RBM15: variants seen among roughly 807,000 people sequenced by gnomAD.
RBM15 encodes RNA-binding protein 15.
RBM15 carries 8 observed loss-of-function variants against 62.6 expected under a neutral mutation model. The observed-to-expected ratio is 0.13, with a 90% CI of 0.07 to 0.23. The LOEUF (loss-of-function observed/expected upper bound fraction) is 0.23, where lower values mean the gene tolerates loss of function less well. Among genes scored for constraint, RBM15 ranks in the 10% least tolerant of loss-of-function variants. The pLI is 1.00. For synonymous variants in RBM15, 606 were observed against 505.7 expected (o/e 1.20, Z -2.66); for missense variants, 1,144 against 1,286.5 (o/e 0.89, Z 1.69).
At position 110,340,392 on chromosome 1, in the gene RBM15, A is replaced by G. The variant is rs749586532; in HGVS notation, c.987A>G (p.Arg329=). ...PPPPLPRDLE[R]ERDYPFYERV... ...CACCATTGCCTCGAGACCTGGAGAG[A>G]GAAAGAGACTACCCGTTCTATGAGA... Residue 329 remains arginine, a synonymous_variant, in exon 1 of 3, where the codon AGA becomes AGG. Transcript: ENST00000369784. The surrounding 1 kb of genome is among the most constrained non-coding windows in gnomAD (Gnocchi z 5.8). 4 of 1,614,142 alleles carry G rather than the reference A, an allele frequency of 2.5e-6. No individual in the cohort carries two copies. Among genetic ancestry groups the G allele is most frequent in the Non-Finnish European group, 3.4e-6 (4 of 1,180,014 alleles).
At position 110,341,638 on chromosome 1, in the gene RBM15, AAAG is replaced by A. The variant is rs746672290; in HGVS notation, c.2238_2240del (p.Glu746del). 6.2e-7 allele frequency: 1 copy of A among 1,614,090 alleles called. No individual in the cohort carries two copies. Among genetic ancestry groups the A allele is most frequent in the Non-Finnish European group, 8.5e-7 (1 of 1,180,020 alleles). The stretch of plus-strand genomic sequence containing the variant: ...CACTGAGGGAAAAAGCCCTCTGAAA[AAAG>A]AAGACCGCTCTGATGGGAGTGCACC... On this transcript the variant is annotated inframe_deletion, in exon 1 of 3. Transcript: ENST00000369784. The surrounding 1 kb of genome is among the most constrained non-coding windows in gnomAD (Gnocchi z 4.5).
In RBM15 at chr1:110,341,838, A is replaced by G. The variant is rs1660805941; in HGVS notation, c.2433A>G (p.Gln811=). The part of the protein sequence containing the change: ...SNMHLLQGDL[Q]VASSLLVEGS... ...TGCATCTGTTGCAGGGTGACCTCCA[A>G]GTGGCTAGTAGTCTTCTTGTGGAGG... The change falls in exon 1 of 3, where the codon CAA becomes CAG. Residue 811 remains glutamine (Q), a synonymous_variant. Coordinates refer to ENST00000369784, the MANE Select transcript of RBM15 (RefSeq NM_022768.5). This position sits in a 1 kb window ranked among gnomAD's most constrained non-coding sequence, Gnocchi z 4.5. 2 of 1,614,218 alleles carry G rather than the reference A, an allele frequency of 1.2e-6. No homozygotes were observed. Among genetic ancestry groups the G allele is most frequent in the East Asian group, 2.2e-5 (1 of 44,874 alleles).
In RBM15 at chr1:110,341,293, C is replaced by G. The variant is rs1193711742; in HGVS notation, c.1888C>G (p.Arg630Gly). 1.2e-6 allele frequency: 2 copies of G among 1,613,934 alleles called. No individual in the cohort carries two copies. Among genetic ancestry groups the G allele is most frequent in the Admixed American group, 3.3e-5 (2 of 60,002 alleles). Residue 630 changes from arginine (R) to glycine (G), a missense_variant, in exon 1 of 3, where the codon CGA (arginine) becomes GGA (glycine). Transcript: ENST00000369784. The surrounding 1 kb of genome is among the most constrained non-coding windows in gnomAD (Gnocchi z 4.5). ...GTCCTTGGACCGGGACAGAGGTGAT[C>G]GAGATCTGCCCAGCAGCAGAGACCA... is the stretch of plus-strand genomic sequence containing the variant. ...GWSLDRDRGD[R>G]DLPSSRDQPR... is the part of the protein sequence containing the mutation.
intron 2 of RBM15, 59 bp from the exon 3 acceptor site, chr1:110,346,249 A>C: frequency 6.6e-7 from 1 of 1,505,646 alleles, no homozygotes; most frequent in Non-Finnish European, 9.1e-7. Flanking sequence ...GGAAATATAT[A>C]TATTTTTAAT....
rs539424286 is a variant in RBM15, at chr1:110,341,483, G to T, written c.2078G>T (p.Arg693Leu). 6.2e-7 allele frequency: 1 copy of T among 1,614,078 alleles called. No individual in the cohort carries two copies. The highest frequency in any genetic ancestry group is 2.2e-5 in the East Asian group (1 of 44,872). Residue 693 changes from arginine to leucine, a missense_variant, in exon 1 of 3, where the codon CGT becomes CTT. Arg to Leu is a moderately radical substitution (Grantham distance 102). Coordinates refer to ENST00000369784, the MANE Select transcript of RBM15 (RefSeq NM_022768.5). The surrounding 1 kb of genome is among the most constrained non-coding windows in gnomAD (Gnocchi z 4.5). ...RYNSDNDRSS[R>L]LLLERPSPIR... ...AACAGCGACAATGATCGATCTTCCC[G>T]TCTTCTCTTGGAAAGGCCCTCTCCA...
chr1:110,340,286 C>T lies in RBM15; in HGVS notation c.881C>T (p.Ser294Phe), dbSNP rs1360700787. Residue 294 changes from serine to phenylalanine, a missense_variant, in exon 1 of 3, where the codon TCC becomes TTC. Transcript: ENST00000369784. This position sits in a 1 kb window ranked among gnomAD's most constrained non-coding sequence, Gnocchi z 5.8. ...PGGGGGQRSL[S>F]PGGAALGYRD... ...GGTGGTGGAGGCCAGAGATCACTTT[C>T]CCCTGGTGGCGCTGCTTTGGGATAC... 1 of 1,614,118 alleles carries T rather than the reference C, an allele frequency of 6.2e-7. No homozygotes were observed. Among genetic ancestry groups the T allele is most frequent in the Non-Finnish European group, 8.5e-7 (1 of 1,180,042 alleles).
Position 110,341,372 on chromosome 1 carries a change from C to T in RBM15, c.1967C>T (p.Ser656Phe). ...EESGGRHLDR[S>F]PESDRPRKRH... ...AGTGGAGGACGTCATCTGGATAGGT[C>T]TCCTGAGAGTGACCGCCCACGAAAA... The change falls in exon 1 of 3, where the codon TCT (serine) becomes TTT (phenylalanine). Residue 656 changes from serine (S) to phenylalanine (F), a missense_variant. Around this residue, in one of 8 missense-constraint regions of RBM15, gnomAD observed 360 missense variants for 342.9 expected, o/e 1.05. Coordinates refer to ENST00000369784, the MANE Select transcript of RBM15 (RefSeq NM_022768.5). This position sits in a 1 kb window ranked among gnomAD's most constrained non-coding sequence, Gnocchi z 4.5. 1 of 1,614,090 alleles carries T rather than the reference C, an allele frequency of 6.2e-7. No individual in the cohort carries two copies. Among genetic ancestry groups the T allele is most frequent in the Non-Finnish European group, 8.5e-7 (1 of 1,179,978 alleles).
intron 2 of RBM15, 32 bp from the exon 3 acceptor site, chr1:110,346,276 C>G: frequency 6.3e-7 from 1 of 1,591,880 alleles, no homozygotes; most frequent in Non-Finnish European, 8.5e-7. Flanking sequence ...AACATTTGTA[C>G]TGAATAACCT....
intron 2 of RBM15, 136 bp from the exon 3 acceptor site, chr1:110,346,172 T>G: frequency 1.3e-6 from 1 of 797,086 alleles, no homozygotes; most frequent in South Asian, 1.7e-5. Context: ...TATTGGTGCT[T>G]TTTGAAGTTG....
chr1:110,342,162 C>T lies in RBM15; in HGVS notation c.2757C>T (p.Val919=). The T allele has an allele frequency of 1.9e-6, 3 of 1,614,144 alleles. No homozygotes were observed. Among genetic ancestry groups the T allele is most frequent in the South Asian group, 2.2e-5 (2 of 91,064 alleles). The change falls in exon 1 of 3, where the codon GTC becomes GTT. Residue 919 remains valine, a synonymous_variant. Transcript: ENST00000369784. ...GGNKDKENTG[V]LHAFPPCEFS... The stretch of plus-strand genomic sequence containing the variant: ...ACAAAGACAAGGAAAACACCGGGGT[C>T]CTTCATGCCTTCCCACCTTGTGAGT...
At chr1:110,344,826 T>C (rs1660868332) in intron 1 of RBM15, among the ~76,000 whole-genome samples, 3 of 152,190 alleles carry the variant, frequency 2.0e-5, no homozygotes, top group African/African-American at 7.2e-5. Context: ...CTTTAATTAT[T>C]TTAATGTAGT....
In RBM15 at chr1:110,341,961, A is replaced by G. The variant is rs1393341201; in HGVS notation, c.2556A>G (p.Ala852=). The change falls in exon 1 of 3, where the codon GCA becomes GCG. Residue 852 remains alanine, a synonymous_variant. Transcript: ENST00000369784. The surrounding 1 kb of genome is among the most constrained non-coding windows in gnomAD (Gnocchi z 4.5). The stretch of plus-strand genomic sequence containing the variant: ...AAGTAACTCGACGCATCAAAGTAGC[A>G]GGGCCCAATGGTTATGCCATTCTTT... ...LDEVTRRIKV[A]GPNGYAILLA... 1 of 1,614,104 alleles carries G rather than the reference A, an allele frequency of 6.2e-7. No homozygotes were observed. Among genetic ancestry groups the G allele is most frequent in the African/African-American group, 1.3e-5 (1 of 74,930 alleles).
Position 110,339,569 on chromosome 1 carries a change from C to T in RBM15, c.164C>T (p.Ala55Val). 6.2e-7 allele frequency: 1 copy of T among 1,605,378 alleles called. No homozygotes were observed. The highest frequency in any genetic ancestry group is 8.5e-7 in the Non-Finnish European group (1 of 1,173,444). The change falls in exon 1 of 3, where the codon GCC becomes GTC. Residue 55 changes from alanine to valine, a missense_variant. By Grantham distance (64) the Ala-to-Val change is moderately conservative. Around this residue, in one of 8 missense-constraint regions of RBM15, gnomAD observed 298 missense variants for 250.0 expected, o/e 1.19. Coordinates refer to ENST00000369784, the MANE Select transcript of RBM15 (RefSeq NM_022768.5). ...GGAAAAGAGCGCTCGCCAGTGAAGGCCAAACGCTCCCGTGGTGGTGAGGAC... is the reference window on the plus strand; with the variant it reads ...GGAAAAGAGCGCTCGCCAGTGAAGGTCAAACGCTCCCGTGGTGGTGAGGAC... ...MKGKERSPVK[A>V]KRSRGGEDST...
At position 110,346,291 on chromosome 1, in the gene RBM15, T is replaced by A. The variant is rs770976560; in HGVS notation, c.*41-17T>A. ...AACATTTGTACTGAATAACCTTTTT[T>A]TCCCCCCCTCCGCAAGCAAAACTGG... On this transcript the variant is annotated splice_polypyrimidine_tract_variant and intron_variant, in intron 2 of 2. Transcript: ENST00000369784. 5 of 1,597,998 alleles carry A rather than the reference T, an allele frequency of 3.1e-6. No homozygotes were observed. The highest frequency in any genetic ancestry group is 3.3e-5 in the Admixed American group (2 of 60,020).
intron 1 of RBM15, 135 bp from the exon 2 acceptor site, chr1:110,345,404 A>G (rs956354586): frequency 2.8e-6 from 2 of 719,224 alleles, no homozygotes; most frequent in South Asian, 1.6e-5. Context: ...GTTTGGGTCC[A>G]TATAGGAACC....
chr1:110,342,023 C>T lies in RBM15; in HGVS notation c.2618C>T (p.Ser873Phe). ...VPGSSDSRSSSSSAASDTATS... is the reference protein window; with the variant it reads ...VPGSSDSRSSFSSAASDTATS... ...GGAAGTTCTGACAGCCGGTCCTCCT[C>T]TTCCTCAGCTGCATCAGACACTGCC... Residue 873 changes from serine (S) to phenylalanine (F), a missense_variant, in exon 1 of 3, where the codon TCT becomes TTT. By Grantham distance (155) the Ser-to-Phe change is radical. Coordinates refer to ENST00000369784, the MANE Select transcript of RBM15 (RefSeq NM_022768.5). 3 of 1,614,272 alleles carry T rather than the reference C, an allele frequency of 1.9e-6. No individual in the cohort carries two copies. Among genetic ancestry groups the T allele is most frequent in the African/African-American group, 2.7e-5 (2 of 75,068 alleles).
chr1:110,344,396 CTTTT>C (rs1011578074), intron 1 of RBM15, among the ~76,000 whole-genome samples: 15 of 151,154 alleles, frequency 9.9e-5, no homozygotes, highest in African/African-American at 3.4e-4. Flanking sequence ...CTTTTACTTT[CTTTT>C]TTTTTGTTTG....
In RBM15 at chr1:110,341,771, A is replaced by G; in HGVS notation, c.2366A>G (p.Gln789Arg). The change falls in exon 1 of 3, where the codon CAG becomes CGG. Residue 789 changes from glutamine (Q) to arginine (R), a missense_variant. Gln to Arg is a conservative substitution (Grantham distance 43). Transcript: ENST00000369784. The surrounding 1 kb of genome is among the most constrained non-coding windows in gnomAD (Gnocchi z 4.5). ...SASPKLCLAW[Q>R]GMLLLKNSNF... ...TCTCCCAAACTCTGTTTGGCCTGGCAGGGCATGCTTCTACTGAAGAACAGC... is the reference window on the plus strand; with the variant it reads ...TCTCCCAAACTCTGTTTGGCCTGGCGGGGCATGCTTCTACTGAAGAACAGC... 6.2e-7 allele frequency: 1 copy of G among 1,614,212 alleles called. No homozygotes were observed. Among genetic ancestry groups the G allele is most frequent in the Non-Finnish European group, 8.5e-7 (1 of 1,180,038 alleles).
At chr1:110,345,220 A>G (rs1172346806) in intron 1 of RBM15, among the ~76,000 whole-genome samples, 2 of 152,214 alleles carry the variant, frequency 1.3e-5, no homozygotes, top group African/African-American at 4.8e-5. Flanking sequence ...AGGTCATTTT[A>G]GGTCCAGTAA....
Sources: gnomAD v4.1 joint callset for allele counts (sites outside exome capture counted in the v4.1 genomes callset) on GRCh38, gnomAD v4.1.1 for gene constraint, gnomAD v4.1.1 regional missense constraint, Gnocchi (gnomAD v3.1) non-coding constraint, MANE v1.5 for transcripts, NCBI Gene and HGNC (gene_info 2026-07-23, HGNC 2026-07-21) for gene names.